Variants in ORC4 observed in about 807,000 individuals in gnomAD.
ORC4 encodes origin recognition complex, subunit 4 homolog.
A neutral mutation model predicts 63.9 loss-of-function variants in ORC4; 55 were observed. The ratio of observed to expected loss-of-function variants is 0.86; its 90% CI spans 0.69 to 1.08. The LOEUF (loss-of-function observed/expected upper bound fraction) is 1.08, where lower values mean the gene tolerates loss of function less well. ORC4 is among the 50% of genes least tolerant of loss of function. The pLI is 0.00. For synonymous variants in ORC4, 150 were observed against 168.5 expected (o/e 0.89, Z 0.85); for missense variants, 511 against 504.4 (o/e 1.01, Z -0.13).
chr2:147,993,297 G>A (rs1440028245), intron 1 of ORC4, among the ~76,000 whole-genome samples: 7 of 151,744 alleles, frequency 4.6e-5, no homozygotes, highest in Admixed American at 2.6e-4. Context: ...GTTTTTTCTT[G>A]GCCCCTACAA....
chr2:147,953,139 G>A (rs1689055457), intron 7 of ORC4, among the ~76,000 whole-genome samples: 1 of 150,226 alleles, frequency 6.7e-6, no homozygotes, highest in East Asian at 2.0e-4. Context: ...AGACCAGCCT[G>A]GCCAACATGG....
At chr2:148,019,812 T>C (rs779947116) in intron 1 of ORC4, among the ~76,000 whole-genome samples, 18 of 152,054 alleles carry the variant, frequency 1.2e-4, no homozygotes, top group Non-Finnish European at 2.2e-4. Flanking sequence ...CTAATGTAAA[T>C]TTATAAATCC....
intron 2 of ORC4, among the ~76,000 whole-genome samples, chr2:147,974,007 G>A (rs965175348): frequency 1.3e-5 from 2 of 152,172 alleles, no homozygotes; most frequent in African/African-American, 4.8e-5. Context: ...ACAACAACCT[G>A]AGGGTGCTAT....
At chr2:147,993,383 G>T (rs533408333) in intron 1 of ORC4, among the ~76,000 whole-genome samples, 1 of 152,062 alleles carries the variant, frequency 6.6e-6, no homozygotes, top group Non-Finnish European at 1.5e-5. Context: ...AAATAACATT[G>T]CTTTAGAGAT....
intron 1 of ORC4, among the ~76,000 whole-genome samples, chr2:148,019,775 C>A (rs2105494869): frequency 1.3e-5 from 2 of 152,112 alleles, no homozygotes. Context: ...GAAAAAGAAC[C>A]AGCACTGTTT....
At chr2:147,989,165 A>C (rs1476611086) in intron 1 of ORC4, among the ~76,000 whole-genome samples, 2 of 152,326 alleles carry the variant, frequency 1.3e-5, no homozygotes, top group East Asian at 3.9e-4. Flanking sequence ...AGCAGTAACA[A>C]GTAGATTTTT....
intron 2 of ORC4, among the ~76,000 whole-genome samples, chr2:147,974,767 T>C (rs888080816): frequency 6.8e-6 from 1 of 147,518 alleles, no homozygotes; most frequent in African/African-American, 2.5e-5. Flanking sequence ...TGTATTCCTC[T>C]ACCTAGATGA....
At chr2:147,939,293 C>T in intron 10 of ORC4, 45 bp from the exon 11 acceptor site, 1 of 1,210,590 alleles carries the variant, frequency 8.3e-7, no homozygotes, top group Non-Finnish European at 1.2e-6. Flanking sequence ...TTTACATGGG[C>T]ATTTTGGAGA....
At chr2:147,971,181 A>T (rs1298374366) in intron 4 of ORC4, among the ~76,000 whole-genome samples, 1 of 152,166 alleles carries the variant, frequency 6.6e-6, no homozygotes, top group East Asian at 1.9e-4. Context: ...TACTCTACCA[A>T]AGATACAGTT....
chr2:148,002,307 T>C (rs566339564), intron 1 of ORC4, among the ~76,000 whole-genome samples: 43 of 152,274 alleles, frequency 2.8e-4, no homozygotes, highest in Non-Finnish European at 5.3e-4. Flanking sequence ...CAACAGAATA[T>C]ACATTCTTCT....
chr2:147,987,158 A>T (rs542858979), intron 1 of ORC4, among the ~76,000 whole-genome samples: 10 of 150,214 alleles, frequency 6.7e-5, no homozygotes, highest in Non-Finnish European at 1.0e-4. Context: ...GCAGCTTGAA[A>T]CTTTTTTTAA....
intron 1 of ORC4, among the ~76,000 whole-genome samples, chr2:148,014,159 T>C (rs1008218078): frequency 6.6e-6 from 1 of 152,030 alleles, no homozygotes; most frequent in African/African-American, 2.4e-5. Context: ...TTGTGTGCAA[T>C]ACAGCGAGAC....
chr2:147,989,312 C>T (rs1411966586), intron 1 of ORC4, among the ~76,000 whole-genome samples: 1 of 152,086 alleles, frequency 6.6e-6, no homozygotes, highest in African/African-American at 2.4e-5. Context: ...TAACTGAAGT[C>T]CCATACTACT....
chr2:147,940,921 C>A (rs1299526314), intron 10 of ORC4, among the ~76,000 whole-genome samples: 2 of 151,992 alleles, frequency 1.3e-5, no homozygotes, highest in Non-Finnish European at 2.9e-5. Flanking sequence ...AGAGTTGAAG[C>A]CCATCTCCTC....
chr2:148,016,686 T>G lies in ORC4; in HGVS notation c.-18+3947A>C, dbSNP rs996746577. Among the ~76,000 whole-genome samples, 10 of 152,306 alleles carry G rather than the reference T, an allele frequency of 6.6e-5. No individual in the cohort carries two copies. The South Asian group carries it at 8.3e-4, about 13-fold the overall frequency. On this transcript the variant is annotated intron_variant, in intron 1 of 13. Transcript: ENST00000392857. ...AGTTTGTGGAATCCTGAAGCATGGA[T>G]TTTTACATTACAGGAAAAAACAAAC...
At chr2:148,006,513 A>G (rs575353344) in intron 1 of ORC4, among the ~76,000 whole-genome samples, 3 of 152,262 alleles carry the variant, frequency 2.0e-5, no homozygotes, top group Admixed American at 1.3e-4. Flanking sequence ...CCCCTCCCCA[A>G]CTACTTCAGC....
intron 4 of ORC4, among the ~76,000 whole-genome samples, chr2:147,971,367 A>C (rs2105346281): frequency 6.6e-6 from 1 of 151,846 alleles, no homozygotes; most frequent in East Asian, 1.9e-4. Flanking sequence ...CTGTAAGAAA[A>C]TACTTGCAAA....
At chr2:147,958,586 A>G in intron 5 of ORC4, 1 of 581,220 alleles carries the variant, frequency 1.7e-6, no homozygotes, top group East Asian at 2.9e-5. Context: ...AAAAAAAACC[A>G]AAAAACCCAC....
chr2:147,969,296 C>T (rs1690072930), intron 4 of ORC4, among the ~76,000 whole-genome samples: 1 of 151,824 alleles, frequency 6.6e-6, no homozygotes, highest in Non-Finnish European at 1.5e-5. Context: ...TGGATGTTCC[C>T]CACATAAATA....
Sources: allele counts gnomAD v4.1 joint callset (sites outside exome capture counted in the v4.1 genomes callset), GRCh38; gene constraint gnomAD v4.1.1; transcripts MANE v1.5; gene names NCBI Gene and HGNC (gene_info 2026-07-23, HGNC 2026-07-21).